AKAP11: variants seen among roughly 807,000 people sequenced by gnomAD.
The protein encoded by AKAP11 is A-kinase anchor protein 11.
A neutral mutation model predicts 146.1 loss-of-function variants in AKAP11; 36 were observed. The observed-to-expected ratio is 0.25, with a 90% CI of 0.19 to 0.33. The LOEUF is 0.33. Ranked by LOEUF, AKAP11 falls within the 10% of genes least tolerant of loss-of-function variation. The pLI is 1.00. For missense variants in AKAP11, 2,201 were observed against 2,197.0 expected, an observed-to-expected ratio of 1.00 and a Z score of -0.04; for synonymous variants, 780 against 786.5, an observed-to-expected ratio of 0.99 and a Z score of 0.14.
At chr13:42,287,069 T>C (rs1258971548) in intron 3 of AKAP11, among the ~76,000 whole-genome samples, 2 of 152,180 alleles carry the variant, frequency 1.3e-5, no homozygotes, top group African/African-American at 4.8e-5. Flanking sequence ...TATAGGTTTT[T>C]CTTGGTTTCC....
chr13:42,303,153 T>G lies in AKAP11; in HGVS notation c.4407T>G (p.Ala1469=). 1 of 1,614,182 alleles carries G rather than the reference T, an allele frequency of 6.2e-7. No homozygotes were observed. Among genetic ancestry groups the G allele is most frequent in the African/African-American group, 1.3e-5 (1 of 75,058 alleles). Residue 1469 remains alanine, a synonymous_variant, in exon 8 of 13, where the codon GCT becomes GCG. Coordinates refer to ENST00000025301, the MANE Select transcript of AKAP11 (RefSeq NM_016248.4). ...TSLVHSITKD[A]KEELTASLVG... is the part of the protein sequence containing the mutation. ...TGGTTCACAGCATAACAAAAGATGC[T>G]AAGGAAGAGTTGACAGCCTCTCTAG... is the stretch of plus-strand genomic sequence containing the variant.
At chr13:42,296,565 A>T (rs1487166581) in intron 5 of AKAP11, among the ~76,000 whole-genome samples, 1 of 152,100 alleles carries the variant, frequency 6.6e-6, no homozygotes, top group African/African-American at 2.4e-5. Context: ...CTTTTCCTTT[A>T]ATCTTCATTA....
intron 8 of AKAP11, 29 bp from the exon 9 acceptor site, chr13:42,308,425 G>T: frequency 6.5e-7 from 1 of 1,532,620 alleles, no homozygotes; most frequent in South Asian, 1.2e-5. Flanking sequence ...CTTTCAATTT[G>T]ATTTTTTTTC....
chr13:42,313,847 A>T (rs571331358), intron 10 of AKAP11, 47 bp from the exon 11 acceptor site: 2 of 1,549,384 alleles, frequency 1.3e-6, no homozygotes, highest in Non-Finnish European at 1.8e-6. Context: ...TGATACCATT[A>T]TTAATTAAAT....
chr13:42,277,364 A>G lies in AKAP11; in HGVS notation c.-100+5136A>G, dbSNP rs140170565. On this transcript the variant is annotated intron_variant, in intron 1 of 12. Coordinates refer to ENST00000025301, the MANE Select transcript of AKAP11 (RefSeq NM_016248.4). ...TGATTATTCTAATTAACTTCTAACAATGGACCGTTGCATGTTTAAAAGTTG... is the reference window on the plus strand; with the variant it reads ...TGATTATTCTAATTAACTTCTAACAGTGGACCGTTGCATGTTTAAAAGTTG... Among the ~76,000 whole-genome samples the G allele has an allele frequency of 2.4e-3, 361 of 152,320 alleles. 2 individuals are homozygous for G. The highest frequency in any genetic ancestry group is 8.3e-3 in the African/African-American group (344 of 41,572).
intron 1 of AKAP11, among the ~76,000 whole-genome samples, chr13:42,274,351 G>A (rs538677834): frequency 3.3e-5 from 5 of 152,060 alleles, no homozygotes; most frequent in African/African-American, 9.7e-5. Context: ...CAAGTGTCTC[G>A]ATTCTCCCAG....
At chr13:42,294,172 G>T (rs1959362940) in intron 4 of AKAP11, among the ~76,000 whole-genome samples, 1 of 152,150 alleles carries the variant, frequency 6.6e-6, no homozygotes, top group Admixed American at 6.5e-5. Context: ...AATATATTCA[G>T]TGTTGCTATA....
At position 42,303,380 on chromosome 13, in the gene AKAP11, A is replaced by G; in HGVS notation, c.4634A>G (p.Lys1545Arg). Residue 1545 changes from lysine (K) to arginine (R), a missense_variant, in exon 8 of 13, where the codon AAA becomes AGA. By Grantham distance (26) the Lys-to-Arg change is conservative (BLOSUM62 2). This residue lies in a region of AKAP11 where 1,867 missense variants were observed against 1,833.5 expected (regional missense o/e 1.02). Coordinates refer to ENST00000025301, the MANE Select transcript of AKAP11 (RefSeq NM_016248.4). ...GTTCAAGCTGTAGAACAGTATGCCA[A>G]AAAAGTAGTGGATGACACTCTAGAG... is the stretch of plus-strand genomic sequence containing the variant. ...NVVQAVEQYA[K>R]KVVDDTLELT... The G allele has an allele frequency of 1.9e-6, 3 of 1,613,704 alleles. No homozygotes were observed. The highest frequency in any genetic ancestry group is 2.5e-6 in the Non-Finnish European group (3 of 1,180,020).
Position 42,283,089 on chromosome 13 carries a change from G to A in AKAP11, c.-99-2897G>A, listed in dbSNP as rs149734126. ...ATCCTTTCTTCCCCCATCAATCTTTGCATCATTTCCAAAGATGATTTTTTT... is the reference window on the plus strand; with the variant it reads ...ATCCTTTCTTCCCCCATCAATCTTTACATCATTTCCAAAGATGATTTTTTT... On this transcript the variant is annotated intron_variant, in intron 1 of 12. Transcript: ENST00000025301. 2.3e-3 allele frequency among the ~76,000 whole-genome samples: 348 copies of A among 152,234 alleles called. 1 individual carries two copies. Among genetic ancestry groups the A allele is most frequent in the African/African-American group, 7.9e-3 (329 of 41,560 alleles).
At chr13:42,282,568 G>T (rs1419944146) in intron 1 of AKAP11, among the ~76,000 whole-genome samples, 1 of 152,062 alleles carries the variant, frequency 6.6e-6, no homozygotes, top group Non-Finnish European at 1.5e-5. Flanking sequence ...CTATATCTCT[G>T]TTCTCTGTAT....
intron 5 of AKAP11, 88 bp downstream of exon 5, chr13:42,295,830 G>T (rs1402530182): frequency 6.5e-6 from 8 of 1,229,202 alleles, no homozygotes; most frequent in East Asian, 2.3e-5. Context: ...ATCTGAGAAG[G>T]TTGCAAACCG....
chr13:42,309,602 A>G (rs1013604129), intron 9 of AKAP11, among the ~76,000 whole-genome samples: 1 of 152,216 alleles, frequency 6.6e-6, no homozygotes, highest in Non-Finnish European at 1.5e-5. Context: ...TTTGTAAAGT[A>G]TATTTTGTCA....
In AKAP11 at chr13:42,295,736, T is replaced by C. The variant is rs763693504; in HGVS notation, c.210T>C (p.His70=). 3.1e-6 allele frequency: 5 copies of C among 1,609,688 alleles called. No homozygotes were observed. The South Asian group carries it at 5.6e-5, about 18-fold the overall frequency. ...TTAATGAAGAGACAGATGCTGCTCA[T>C]ATACAGGTATGGTGAATTTTAGCAT... The part of the protein sequence containing the change: ...LGFNEETDAA[H]IQDLAAVSLE... The change falls in exon 5 of 13, where the codon CAT becomes CAC. Residue 70 remains histidine (H), a synonymous_variant. Transcript: ENST00000025301.
intron 4 of AKAP11, among the ~76,000 whole-genome samples, chr13:42,293,763 A>AC (rs1480159956): frequency 1.3e-5 from 2 of 152,054 alleles, no homozygotes. Flanking sequence ...CATCTTCAAA[A>AC]CCCTATGCCA....
Position 42,300,175 on chromosome 13 carries a change from A to G in AKAP11, c.1429A>G (p.Ile477Val). 6.2e-7 allele frequency: 1 copy of G among 1,613,924 alleles called. No individual in the cohort carries two copies. Among genetic ancestry groups the G allele is most frequent in the Non-Finnish European group, 8.5e-7 (1 of 1,179,848 alleles). Residue 477 changes from isoleucine (I) to valine (V), a missense_variant, in exon 8 of 13, where the codon ATT (isoleucine) becomes GTT (valine). By Grantham distance (29) the Ile-to-Val change is conservative. This residue lies in a region of AKAP11 where 1,867 missense variants were observed against 1,833.5 expected (regional missense o/e 1.02). Transcript: ENST00000025301. ...CCAAACAGATATTGGTGGAGATAGG[A>G]TTCATGAAAATCATGATTCTGTTTA... ...FCQTDIGGDR[I>V]HENHDSVYYT... is the part of the protein sequence containing the mutation.
Position 42,303,737 on chromosome 13 carries a change from G to A in AKAP11, c.4991G>A (p.Arg1664Gln), listed in dbSNP as rs536746094. ...IVAEAIEKAE[R>Q]ELSSTSLAAD... Reference sequence around the variant, plus strand: ...GCTGAAGCCATTGAAAAAGCTGAGCGAGAGCTGAGCAGTACCAGCCTGGCA... The same window carrying A: ...GCTGAAGCCATTGAAAAAGCTGAGCAAGAGCTGAGCAGTACCAGCCTGGCA... The change falls in exon 8 of 13, where the codon CGA (arginine) becomes CAA (glutamine). Residue 1664 changes from arginine to glutamine, a missense_variant. By Grantham distance (43) the Arg-to-Gln change is conservative. This residue lies in a region of AKAP11 where 1,867 missense variants were observed against 1,833.5 expected (regional missense o/e 1.02). Coordinates refer to ENST00000025301, the MANE Select transcript of AKAP11 (RefSeq NM_016248.4). The A allele has an allele frequency of 2.0e-5, 32 of 1,614,144 alleles. No individual in the cohort carries two copies. The South Asian group carries it at 2.7e-4, about 14-fold the overall frequency.
rs1960113252 is a variant in AKAP11 at position 42,303,889 on chromosome 13, T to G, written c.5117+26T>G. 2.0e-6 allele frequency: 3 copies of G among 1,534,912 alleles called. No homozygotes were observed. The East Asian group carries it at 6.8e-5, about 35-fold the overall frequency. On this transcript the variant is annotated intron_variant, in intron 8 of 12. Coordinates refer to ENST00000025301, the MANE Select transcript of AKAP11 (RefSeq NM_016248.4). ...GTAAGTTTCACGTTTCTTTTGGTTG[T>G]TAATGATAAATTAAAAAGATAAATG...
At chr13:42,308,349 A>G (rs1960383975) in intron 8 of AKAP11, 105 bp from the exon 9 acceptor site, 11 of 959,250 alleles carry the variant, frequency 1.1e-5, no homozygotes, top group South Asian at 1.9e-5. Context: ...GATTCCGAAT[A>G]CCATTTCTTG....
intron 8 of AKAP11, among the ~76,000 whole-genome samples, chr13:42,308,169 T>C (rs1594350907): frequency 6.6e-6 from 1 of 152,282 alleles, no homozygotes; most frequent in East Asian, 1.9e-4. Context: ...AAAAATGAAC[T>C]GCTTTAAGTA....
Sources: allele counts gnomAD v4.1 joint callset (sites outside exome capture counted in the v4.1 genomes callset), GRCh38; gene constraint gnomAD v4.1.1; regional missense constraint gnomAD v4.1.1; transcripts MANE v1.5; gene names NCBI Gene and HGNC (gene_info 2026-07-23, HGNC 2026-07-21).